The following DYRK1A variants were observed in gnomAD, a reference collection of about 807,000 sequenced individuals.
DYRK1A encodes the protein dual specificity tyrosine-phosphorylation-regulated kinase 1A.
In DYRK1A, 9 loss-of-function variants were observed where a neutral mutation model predicts 79.7. That is an observed-to-expected ratio of 0.11 (90% CI 0.07 to 0.20). The LOEUF (loss-of-function observed/expected upper bound fraction) is 0.20, where lower values mean the gene tolerates loss of function less well. Among genes scored for constraint, DYRK1A ranks in the 10% least tolerant of loss-of-function variants. DYRK1A has a pLI of 1.00. For missense variants in DYRK1A, 622 were observed against 956.0 expected, an observed-to-expected ratio of 0.65 and a Z score of 4.61; for synonymous variants, 349 against 329.7, an observed-to-expected ratio of 1.06 and a Z score of -0.63.
intron 2 of DYRK1A, among the ~76,000 whole-genome samples, chr21:37,426,460 T>C (rs977061811): frequency 6.6e-6 from 1 of 151,924 alleles, no homozygotes; most frequent in Non-Finnish European, 1.5e-5. Flanking sequence ...CAGAGAAATT[T>C]AGAAAATGAT....
chr21:37,370,732 T>C (rs1454376852), intron 1 of DYRK1A, among the ~76,000 whole-genome samples: 1 of 152,222 alleles, frequency 6.6e-6, no homozygotes, highest in African/African-American at 2.4e-5. Context: ...TAAGCAGTTA[T>C]TTAAACTGAA....
intron 2 of DYRK1A, among the ~76,000 whole-genome samples, chr21:37,471,178 T>C (rs1287995229): frequency 6.6e-6 from 1 of 152,182 alleles, no homozygotes; most frequent in Non-Finnish European, 1.5e-5. Flanking sequence ...GGAATCTGTT[T>C]TGGTAATCTT....
chr21:37,434,379 A>T (rs1245277527), intron 2 of DYRK1A, among the ~76,000 whole-genome samples: 1 of 152,188 alleles, frequency 6.6e-6, no homozygotes, highest in Non-Finnish European at 1.5e-5. Flanking sequence ...TGTATCTTTT[A>T]TAAGGCACAA....
chr21:37,479,998 TAA>T lies in DYRK1A; in HGVS notation c.301-639_301-638del, dbSNP rs1233526111. ...GCGTATGGTCTTTGGGAGTGGGGGC[TAA>T]GAGGCCATAGCTGTTTTTCATTAAT... On this transcript the variant is annotated intron_variant, in intron 4 of 11. Transcript: ENST00000647188. Among the ~76,000 whole-genome samples the T allele has an allele frequency of 4.6e-5, 7 of 152,250 alleles. No homozygotes were observed. In the South Asian group the frequency reaches 1.2e-3, roughly 27 times the overall value.
At chr21:37,420,967 A>AT (rs2050459678) in intron 2 of DYRK1A, among the ~76,000 whole-genome samples, 1 of 152,020 alleles carries the variant, frequency 6.6e-6, no homozygotes, top group Non-Finnish European at 1.5e-5. Context: ...TTGAAAGAAT[A>AT]TTTTTTGATT....
At chr21:37,465,388 T>C (rs781081431) in intron 2 of DYRK1A, among the ~76,000 whole-genome samples, 1 of 152,104 alleles carries the variant, frequency 6.6e-6, no homozygotes, top group African/African-American at 2.4e-5. Context: ...AGTAAATCTA[T>C]TGGGGAAAAA....
At chr21:37,402,056 C>A (rs1278194439) in intron 1 of DYRK1A, among the ~76,000 whole-genome samples, 9 of 152,126 alleles carry the variant, frequency 5.9e-5, no homozygotes, top group Admixed American at 5.9e-4. Flanking sequence ...ATCTGCCATC[C>A]CTTTGTGCAA....
chr21:37,387,268 T>A (rs1422783571), intron 1 of DYRK1A, among the ~76,000 whole-genome samples: 1 of 152,238 alleles, frequency 6.6e-6, no homozygotes, highest in Non-Finnish European at 1.5e-5. Flanking sequence ...TCACACTTTT[T>A]TCTTCCAGCT....
chr21:37,425,000 T>A (rs1013407657), intron 2 of DYRK1A, among the ~76,000 whole-genome samples: 2 of 152,350 alleles, frequency 1.3e-5, no homozygotes, highest in East Asian at 3.9e-4. Context: ...ATTGTATACT[T>A]GGTGGAGGAA....
At chr21:37,378,181 A>G (rs940806079) in intron 1 of DYRK1A, among the ~76,000 whole-genome samples, 5 of 152,204 alleles carry the variant, frequency 3.3e-5, no homozygotes, top group Non-Finnish European at 7.3e-5. Context: ...GTACTATAAG[A>G]TTTTTATTTT....
rs953180126 is a variant in DYRK1A, at chr21:37,505,992, T to C, written c.1520-107T>C. On this transcript the variant is annotated intron_variant, in intron 10 of 11. Coordinates refer to ENST00000647188, the MANE Select transcript of DYRK1A (RefSeq NM_001347721.2). ...AAGTTAATATTAGAGATTTTGTATG[T>C]GTGTGTGTGAGTACTTTCAGTTTTA... 29 of 1,290,396 alleles carry C rather than the reference T, an allele frequency of 2.2e-5. No homozygotes were observed. The African/African-American group carries it at 4.0e-4, about 18-fold the overall frequency. 79.9% of individuals were successfully genotyped at this position (1,290,396 alleles called of 1,614,324 possible).
Position 37,470,405 on chromosome 21 carries a change from T to TA in DYRK1A, c.11-2274dup, listed in dbSNP as rs561561343. Among the ~76,000 whole-genome samples the TA allele has an allele frequency of 4.8e-3, 727 of 152,320 alleles. 4 individuals are homozygous for TA. The highest frequency in any genetic ancestry group is 0.044 in the Middle Eastern group (13 of 294). On this transcript the variant is annotated intron_variant, in intron 2 of 11. Transcript: ENST00000647188. ...TAGTATATAACAGTGACATAGATAATAAAAACAGAAGCTAACATTTTTATA... is the reference window on the plus strand; with the variant it reads ...TAGTATATAACAGTGACATAGATAATAAAAAACAGAAGCTAACATTTTTATA...
At chr21:37,460,167 A>G (rs573991164) in intron 2 of DYRK1A, among the ~76,000 whole-genome samples, 3 of 151,812 alleles carry the variant, frequency 2.0e-5, no homozygotes, top group African/African-American at 4.8e-5. Context: ...TTTTGCAGTC[A>G]TTTAAAATCA....
At chr21:37,378,806 G>A (rs952518352) in intron 1 of DYRK1A, among the ~76,000 whole-genome samples, 10 of 152,150 alleles carry the variant, frequency 6.6e-5, no homozygotes, top group African/African-American at 9.6e-5. Flanking sequence ...GACCATGGCC[G>A]TTAACAGTTA....
At chr21:37,416,781 T>C (rs1461185988) in intron 1 of DYRK1A, among the ~76,000 whole-genome samples, 2 of 136,548 alleles carry the variant, frequency 1.5e-5, no homozygotes, top group African/African-American at 5.2e-5. Flanking sequence ...TTCTGAGTTA[T>C]CTTTTTAGAT....
chr21:37,476,743 A>G (rs188644554), intron 3 of DYRK1A, among the ~76,000 whole-genome samples: 106 of 139,710 alleles, frequency 7.6e-4, no homozygotes, highest in Non-Finnish European at 1.2e-3. Context: ...AAGACTGTCT[A>G]TTTGAAAAAT....
intron 2 of DYRK1A, among the ~76,000 whole-genome samples, chr21:37,439,443 G>A (rs1337994519): frequency 2.6e-5 from 4 of 152,150 alleles, no homozygotes; most frequent in Non-Finnish European, 4.4e-5. Flanking sequence ...TTTTGTCAGT[G>A]TCCTTTATCA....
At chr21:37,451,428 G>A (rs2051447065) in intron 2 of DYRK1A, among the ~76,000 whole-genome samples, 5 of 125,924 alleles carry the variant, frequency 4.0e-5, no homozygotes, top group Admixed American at 2.9e-4. Context: ...TCCTGTAAAC[G>A]CCCACACAAG....
intron 1 of DYRK1A, among the ~76,000 whole-genome samples, chr21:37,385,142 T>C (rs1569282841): frequency 6.6e-6 from 1 of 152,256 alleles, no homozygotes; most frequent in East Asian, 1.9e-4. Flanking sequence ...GAGCAGGGAC[T>C]ATGGTAGAAG....
Sources: allele counts gnomAD v4.1 joint callset (sites outside exome capture counted in the v4.1 genomes callset), GRCh38; gene constraint gnomAD v4.1.1; transcripts MANE v1.5; gene names NCBI Gene and HGNC (gene_info 2026-07-23, HGNC 2026-07-21).